The following CAMTA1 variants were observed in gnomAD, a reference collection of about 807,000 sequenced individuals.
CAMTA1 encodes the protein calmodulin-binding transcription activator 1.
CAMTA1 carries 27 observed loss-of-function variants against 170.9 expected under a neutral mutation model. The ratio of observed to expected loss-of-function variants is 0.16; its 90% confidence interval spans 0.12 to 0.22. CAMTA1 has a LOEUF of 0.22. CAMTA1 is among the 10% of genes least tolerant of loss of function. The probability of loss-of-function intolerance (pLI) is 1.00; values close to 1 mark genes in which losing one functional copy is unlikely to be tolerated. For missense variants in CAMTA1, 1,619 were observed against 2,217.2 expected (o/e 0.73, Z 5.42); for synonymous variants, 833 against 891.5 (o/e 0.93, Z 1.17).
At chr1:7,122,076 G>C (rs565173031) in intron 4 of CAMTA1, among the ~76,000 whole-genome samples, 16 of 152,026 alleles carry the variant, frequency 1.1e-4, no homozygotes, top group African/African-American at 3.9e-4. Flanking sequence ...TCCGGGAAAG[G>C]CCATGGAGTG....
intron 5 of CAMTA1, among the ~76,000 whole-genome samples, chr1:7,433,971 G>A (rs2092265297): frequency 6.6e-6 from 1 of 152,132 alleles, no homozygotes; most frequent in South Asian, 2.1e-4. Context: ...TGGTGGACGG[G>A]GAAGCATTAA....
chr1:7,525,072 C>CCCCGCGTCGG (rs1285565438), intron 6 of CAMTA1, among the ~76,000 whole-genome samples: 1 of 152,206 alleles, frequency 6.6e-6, no homozygotes, highest in Non-Finnish European at 1.5e-5. Flanking sequence ...CTCCACCCGC[C>CCCCGCGTCGG]CCCGCGTCGG....
chr1:7,408,629 A>G (rs2090474763), intron 5 of CAMTA1, among the ~76,000 whole-genome samples: 1 of 152,096 alleles, frequency 6.6e-6, no homozygotes, highest in Admixed American at 6.5e-5. Flanking sequence ...GCTGCTCTCG[A>G]TTTTGGTGAT....
At chr1:7,433,591 G>A (rs973380304) in intron 5 of CAMTA1, among the ~76,000 whole-genome samples, 9 of 152,194 alleles carry the variant, frequency 5.9e-5, no homozygotes, top group African/African-American at 9.7e-5. Context: ...ATTGATGTAC[G>A]TGAGCACCTG....
At chr1:7,324,183 G>A (rs1678917900) in intron 5 of CAMTA1, among the ~76,000 whole-genome samples, 5 of 152,136 alleles carry the variant, frequency 3.3e-5, no homozygotes, top group Admixed American at 3.3e-4. Flanking sequence ...ATTGTTGGGT[G>A]TACACAAGTT....
rs1553168519 is a variant in CAMTA1, at chr1:7,449,784, A to AG, written c.439-18046_439-18045insG. Among the ~76,000 whole-genome samples, 65 of 151,096 alleles carry AG rather than the reference A, an allele frequency of 4.3e-4. 2 individuals carry two copies. The highest frequency in any genetic ancestry group is 4.1e-3 in the Admixed American group (62 of 15,194). On this transcript the variant is annotated intron_variant, in intron 5 of 22. Coordinates refer to ENST00000303635, the MANE Select transcript of CAMTA1 (RefSeq NM_015215.4). ...GACTCGGTCTCAAAAAAAAAAAAAA[A>AG]AAAAGAAAGAAAGAAAAAAGAAAAG...
At chr1:7,149,470 A>C (rs1010087335) in intron 4 of CAMTA1, among the ~76,000 whole-genome samples, 3 of 152,218 alleles carry the variant, frequency 2.0e-5, no homozygotes, top group Non-Finnish European at 2.9e-5. Flanking sequence ...TAGGAATGCC[A>C]GCTTCGGCTC....
intron 3 of CAMTA1, among the ~76,000 whole-genome samples, chr1:6,935,442 A>C (rs1306487128): frequency 6.6e-6 from 1 of 152,122 alleles, no homozygotes; most frequent in Non-Finnish European, 1.5e-5. Flanking sequence ...TCCATGCCAC[A>C]TCTCTGTCTG....
At chr1:7,450,527 T>C (rs1484817252) in intron 5 of CAMTA1, among the ~76,000 whole-genome samples, 1 of 152,102 alleles carries the variant, frequency 6.6e-6, no homozygotes, top group African/African-American at 2.4e-5. Context: ...GATGCAGAAG[T>C]AGAGACAGGT....
At chr1:6,930,012 T>A (rs1684102936) in intron 3 of CAMTA1, among the ~76,000 whole-genome samples, 1 of 152,188 alleles carries the variant, frequency 6.6e-6, no homozygotes, top group Non-Finnish European at 1.5e-5. Flanking sequence ...AGGCTGTAAA[T>A]GCTGTGGCGG....
intron 6 of CAMTA1, among the ~76,000 whole-genome samples, chr1:7,519,229 G>T (rs1458240856): frequency 6.6e-6 from 1 of 152,092 alleles, no homozygotes; most frequent in African/African-American, 2.4e-5. Context: ...CACTGAGGAG[G>T]AGTTTGGGGA....
At chr1:7,629,529 G>A (rs1413554751) in intron 6 of CAMTA1, among the ~76,000 whole-genome samples, 1 of 152,248 alleles carries the variant, frequency 6.6e-6, no homozygotes. Flanking sequence ...CTGAGCTCCA[G>A]AGTGGGGGAA....
In CAMTA1 at chr1:7,341,017, A is replaced by G. The variant is rs574175375; in HGVS notation, c.438+91391A>G. On this transcript the variant is annotated intron_variant, in intron 5 of 22. Transcript: ENST00000303635. ...GGCTGGCCAGGGTGCTTTTCATGAT[A>G]CAAGACCTTCCTTCTTAGGCCATGC... Among the ~76,000 whole-genome samples, 14 of 152,308 alleles carry G rather than the reference A, an allele frequency of 9.2e-5. No individual in the cohort carries two copies. In the South Asian group the frequency reaches 2.9e-3, roughly 32 times the overall value.
chr1:7,071,041 TGAGA>T (rs1572840770), intron 3 of CAMTA1, among the ~76,000 whole-genome samples: 1 of 152,146 alleles, frequency 6.6e-6, no homozygotes, highest in East Asian at 1.9e-4. Flanking sequence ...TGGCTGAGCA[TGAGA>T]GAGAGTGTGC....
intron 5 of CAMTA1, among the ~76,000 whole-genome samples, chr1:7,280,854 G>A (rs879920869): frequency 3.3e-5 from 5 of 152,292 alleles, no homozygotes; most frequent in Middle Eastern, 6.8e-3. Context: ...ACAATGGCGT[G>A]GTGCATCATG....
chr1:7,767,843 C>CTAAACTGCAAA lies in CAMTA1; in HGVS notation c.*1352_*1353insTAAACTGCAAA, dbSNP rs2097032329. On this transcript the variant is annotated 3_prime_UTR_variant, in exon 23 of 23. Coordinates refer to ENST00000303635, the MANE Select transcript of CAMTA1 (RefSeq NM_015215.4). ...ATTTTGCTAAAGCATGACTAAACTG[C>CTAAACTGCAAA]AAAAAAAAAAAAAGAGCTACTGTAT... is the stretch of plus-strand genomic sequence containing the variant. 3 of 136,358 alleles carry CTAAACTGCAAA rather than the reference C, an allele frequency of 2.2e-5. No individual in the cohort carries two copies. Among genetic ancestry groups the CTAAACTGCAAA allele is most frequent in the African/African-American group, 8.2e-5 (3 of 36,762 alleles). 8.4% of individuals were successfully genotyped at this position (136,358 alleles called of 1,614,324 possible). A position where few individuals can be genotyped will look rare whatever the true frequency, so the allele number is the denominator to read the frequency against.
chr1:7,003,462 A>G (rs1379608078), intron 3 of CAMTA1, among the ~76,000 whole-genome samples: 3 of 152,362 alleles, frequency 2.0e-5, no homozygotes, highest in Admixed American at 2.0e-4. Flanking sequence ...TCCCTGTAGC[A>G]TAGATGGCTA....
In CAMTA1 at chr1:7,547,829, G is replaced by A. The variant is rs961728359; in HGVS notation, c.510+79928G>A. On this transcript the variant is annotated intron_variant, in intron 6 of 22. Coordinates refer to ENST00000303635, the MANE Select transcript of CAMTA1 (RefSeq NM_015215.4). The surrounding 1 kb of genome is among the most constrained non-coding windows in gnomAD (Gnocchi z 5.7). ...CTCACATCTCTGCCACCCCATGTGGGCCCCCTCCAAACCCAGACTCTGACA... is the reference window on the plus strand; with the variant it reads ...CTCACATCTCTGCCACCCCATGTGGACCCCCTCCAAACCCAGACTCTGACA... 6.6e-6 allele frequency among the ~76,000 whole-genome samples: 1 copy of A among 151,780 alleles called. No individual in the cohort carries two copies. Among genetic ancestry groups the A allele is most frequent in the African/African-American group, 2.4e-5 (1 of 41,290 alleles).
At chr1:7,669,314 A>G (rs2096033364) in intron 9 of CAMTA1, among the ~76,000 whole-genome samples, 1 of 152,216 alleles carries the variant, frequency 6.6e-6, no homozygotes, top group Non-Finnish European at 1.5e-5. Context: ...TGGCTGGGCA[A>G]TGGGAGGAGC....
Sources: allele counts gnomAD v4.1 joint callset (sites outside exome capture counted in the v4.1 genomes callset), GRCh38; gene constraint gnomAD v4.1.1; non-coding constraint Gnocchi (gnomAD v3.1); transcripts MANE v1.5; gene names NCBI Gene and HGNC (gene_info 2026-07-23, HGNC 2026-07-21).